The following CARNMT1 variants were observed in gnomAD, a reference collection of about 807,000 sequenced individuals.
CARNMT1 encodes protein-L-histidine N-pros-methyltransferase CARNMT1.
In CARNMT1, 28 loss-of-function variants were observed where a neutral mutation model predicts 49.6. The observed-to-expected ratio is 0.56, with a 90% confidence interval of 0.42 to 0.77. The LOEUF is 0.77. Among genes scored for constraint, CARNMT1 ranks in the 30% least tolerant of loss-of-function variants. The pLI, the probability that CARNMT1 is intolerant of heterozygous loss-of-function variation, is 0.00. For synonymous variants in CARNMT1, 178 were observed against 175.0 expected (o/e 1.02, Z -0.13); for missense variants, 421 against 512.6 (o/e 0.82, Z 1.73).
At position 75,028,055 on chromosome 9, in the gene CARNMT1, G is replaced by A. The variant is rs141714453; in HGVS notation, c.187C>T (p.Arg63Cys). The A allele has an allele frequency of 7.6e-6, 12 of 1,578,314 alleles. No homozygotes were observed. In the African/African-American group the frequency reaches 1.3e-4, roughly 17 times the overall value. ...STEEEEERLE[R>C]EHFWKIINAF... ...TTAATGATCTTCCAGAAGTGCTCAC[G>A]CTCAAGCCTCTCCTCCTCCTCCTCG... Residue 63 changes from arginine to cysteine, a missense_variant, in exon 1 of 8, where the codon CGT becomes TGT. Arg to Cys is a radical substitution (Grantham distance 180, BLOSUM62 -3). Transcript: ENST00000376834.
chr9:75,021,322 T>G (rs1822349149), intron 1 of CARNMT1, among the ~76,000 whole-genome samples: 1 of 146,418 alleles, frequency 6.8e-6, no homozygotes, highest in Non-Finnish European at 1.5e-5. Flanking sequence ...ATACCATATA[T>G]ATTATATATA....
intron 3 of CARNMT1, chr9:75,010,352 T>C (rs921539965): frequency 1.3e-5 from 2 of 152,242 alleles, no homozygotes; most frequent in Admixed American, 1.3e-4. Flanking sequence ...CTTGAACTCC[T>C]GACCTCAAGT....
At chr9:75,020,491 C>T (rs976276984) in intron 1 of CARNMT1, among the ~76,000 whole-genome samples, 2 of 152,068 alleles carry the variant, frequency 1.3e-5, no homozygotes, top group African/African-American at 4.8e-5. Flanking sequence ...TGGTCTCGAT[C>T]TCTTGACCTC....
At chr9:74,993,700 C>A (rs1833101374) in intron 6 of CARNMT1, among the ~76,000 whole-genome samples, 1 of 148,468 alleles carries the variant, frequency 6.7e-6, no homozygotes, top group Non-Finnish European at 1.5e-5. Flanking sequence ...GTTGTCAAAA[C>A]TGGGAGGTAC....
intron 1 of CARNMT1, among the ~76,000 whole-genome samples, chr9:75,020,167 A>G (rs993748970): frequency 9.2e-5 from 14 of 151,904 alleles, no homozygotes; most frequent in Admixed American, 5.2e-4. Flanking sequence ...CTTACATTTT[A>G]TATCTATATA....
chr9:74,987,130 A>T (rs1018717613), intron 6 of CARNMT1, among the ~76,000 whole-genome samples: 1 of 152,212 alleles, frequency 6.6e-6, no homozygotes, highest in African/African-American at 2.4e-5. Flanking sequence ...CCAAAGAGTT[A>T]TAAGTTTTCA....
intron 1 of CARNMT1, among the ~76,000 whole-genome samples, chr9:75,027,718 A>G (rs1056703033): frequency 1.3e-5 from 2 of 152,222 alleles, no homozygotes; most frequent in African/African-American, 4.8e-5. Flanking sequence ...GGTCACCCCC[A>G]TCGGCCTCAA....
rs35783706 is a variant in CARNMT1, at chr9:75,022,213, C to CTTTT, written c.231-4769_231-4766dup. Among the ~76,000 whole-genome samples, 47 of 77,006 alleles carry CTTTT rather than the reference C, an allele frequency of 6.1e-4. 7 individuals are homozygous for CTTTT. The highest frequency in any genetic ancestry group is 2.6e-3 in the South Asian group (5 of 1,924). 50.5% of individuals were successfully genotyped at this position (77,006 alleles called of 152,430 possible). A position where few individuals can be genotyped will look rare whatever the true frequency, so the allele number is the denominator to read the frequency against. ...CAGAATTACCAGGTGAGAAGGAATACTTTTTTTTTTTTTTTTTTTTTTTTT... is the reference window on the plus strand; with the variant it reads ...CAGAATTACCAGGTGAGAAGGAATACTTTTTTTTTTTTTTTTTTTTTTTTTTTTT... On this transcript the variant is annotated intron_variant, in intron 1 of 7. Transcript: ENST00000376834.
chr9:74,989,968 G>C (rs1031457483), intron 6 of CARNMT1, among the ~76,000 whole-genome samples: 1 of 152,216 alleles, frequency 6.6e-6, no homozygotes, highest in African/African-American at 2.4e-5. Flanking sequence ...GAGAAAGATA[G>C]CAAGAGAAGT....
intron 2 of CARNMT1, chr9:75,016,980 TAA>T (rs1833874477): frequency 7.1e-6 from 3 of 420,596 alleles, no homozygotes; most frequent in Non-Finnish European, 1.2e-5. Context: ...TTTAAAAATT[TAA>T]GTCACTAACC....
chr9:75,026,962 T>C, intron 1 of CARNMT1: 2 of 669,438 alleles, frequency 3.0e-6, no homozygotes, highest in South Asian at 3.2e-5. Flanking sequence ...AAGCAAGAGA[T>C]TTATAAAAAC....
intron 3 of CARNMT1, among the ~76,000 whole-genome samples, chr9:75,012,625 T>C (rs1353058410): frequency 2.0e-5 from 3 of 152,056 alleles, no homozygotes; most frequent in Non-Finnish European, 4.4e-5. Flanking sequence ...TTGAGCTCCA[T>C]TTTTCTTCAG....
At chr9:74,985,772 G>A (rs912949051) in intron 6 of CARNMT1, among the ~76,000 whole-genome samples, 10 of 152,224 alleles carry the variant, frequency 6.6e-5, no homozygotes, top group East Asian at 1.9e-4. Flanking sequence ...TAGAGACAGC[G>A]TTTCACCATG....
chr9:75,028,407 C>G (rs1026785906), upstream of CARNMT1: 10 of 1,290,220 alleles, frequency 7.8e-6, no homozygotes, highest in Non-Finnish European at 9.8e-6. Flanking sequence ...TGGGCTCCGC[C>G]AGGTCTTCAG....
chr9:74,983,898 T>C, intron 7 of CARNMT1, 30 bp from the exon 8 acceptor site: 1 of 1,499,400 alleles, frequency 6.7e-7, no homozygotes. Flanking sequence ...CATAATACTA[T>C]GACAGTCATC....
chr9:75,010,380 C>T (rs1833651888), intron 3 of CARNMT1, among the ~76,000 whole-genome samples: 1 of 152,082 alleles, frequency 6.6e-6, no homozygotes, highest in African/African-American at 2.4e-5. Context: ...TCACCTCAGC[C>T]TCCCAAAGTG....
rs1404212083 is a variant in CARNMT1 at position 74,983,203 on chromosome 9, T to G, written c.*564A>C. 1 of 149,832 alleles carries G rather than the reference T, an allele frequency of 6.7e-6. No homozygotes were observed. Among genetic ancestry groups the G allele is most frequent in the Non-Finnish European group, 1.5e-5 (1 of 67,902 alleles). 9.3% of individuals were successfully genotyped at this position (149,832 alleles called of 1,614,324 possible). ...TTGAGGTTACAGTGAGCTATGATCG[T>G]GCCACTGCACTCCGGCCTGGGAGAC... On this transcript the variant is annotated 3_prime_UTR_variant, in exon 8 of 8. Transcript: ENST00000376834.
rs1822556534 is a variant in CARNMT1, at chr9:75,027,220, A to C, written c.230+792T>G. ...ATAATTTTGTGATTAAGCTACTTTA[A>C]CATCTATCTAGAAGAAACGTGGAAG... On this transcript the variant is annotated intron_variant, in intron 1 of 7. Coordinates refer to ENST00000376834, the MANE Select transcript of CARNMT1 (RefSeq NM_152420.3). 4.8e-6 allele frequency: 5 copies of C among 1,039,478 alleles called. No homozygotes were observed. The South Asian group carries it at 5.4e-5, about 11-fold the overall frequency. 64.4% of individuals were successfully genotyped at this position (1,039,478 alleles called of 1,614,324 possible). A position where few individuals can be genotyped will look rare whatever the true frequency, so the allele number is the denominator to read the frequency against.
chr9:75,028,385 C>T, upstream of CARNMT1: 1 of 1,297,720 alleles, frequency 7.7e-7, no homozygotes. Flanking sequence ...ACCCTCAGGC[C>T]TCCATCCGCG....
Sources: gnomAD v4.1 joint callset for allele counts (sites outside exome capture counted in the v4.1 genomes callset) on GRCh38, gnomAD v4.1.1 for gene constraint, MANE v1.5 for transcripts, NCBI Gene and HGNC (gene_info 2026-07-23, HGNC 2026-07-21) for gene names.